EIF2B3: variants seen among roughly 807,000 people sequenced by gnomAD.
EIF2B3 encodes the protein eukaryotic translation initiation factor 2B subunit gamma.
A neutral mutation model predicts 54.1 loss-of-function variants in EIF2B3; 20 were observed. That is an observed-to-expected ratio of 0.37 (90% CI 0.26 to 0.54). The LOEUF (loss-of-function observed/expected upper bound fraction) is 0.54. Among genes scored for constraint, EIF2B3 ranks in the 20% least tolerant of loss-of-function variants. The pLI, the probability that EIF2B3 is intolerant of heterozygous loss-of-function variation, is 0.86. For synonymous variants in EIF2B3, 153 were observed against 188.1 expected (o/e 0.81, Z 1.52); for missense variants, 448 against 547.8 (o/e 0.82, Z 1.82).
intron 5 of EIF2B3, among the ~76,000 whole-genome samples, chr1:44,918,191 C>G (rs1471855743): frequency 6.7e-6 from 1 of 149,354 alleles, no homozygotes; most frequent in Non-Finnish European, 1.5e-5. Context: ...TCAAGCGATT[C>G]TCCTGCCTCA....
intron 6 of EIF2B3, among the ~76,000 whole-genome samples, chr1:44,885,901 A>ATT (rs57544990): frequency 0.18 from 23,900 of 133,026 alleles, 2,418 homozygotes; most frequent in Admixed American, 0.28. Context: ...CGCTTGGCTA[A>ATT]TTTTTTTTTT....
rs80236297 is a variant in EIF2B3, at chr1:44,884,966, G to T, written c.657-3227C>A. The stretch of plus-strand genomic sequence containing the variant: ...CAATCCCCATGATGCAGTTGACTTA[G>T]AAACATAATGAAGGAAACAATTACT... On this transcript the variant is annotated intron_variant, in intron 6 of 11. Coordinates refer to ENST00000360403, the MANE Select transcript of EIF2B3 (RefSeq NM_020365.5). 4.7e-3 allele frequency among the ~76,000 whole-genome samples: 720 copies of T among 152,288 alleles called. 1 individual carries two copies. Among genetic ancestry groups the T allele is most frequent in the East Asian group, 7.3e-3 (38 of 5,186 alleles).
intron 6 of EIF2B3, among the ~76,000 whole-genome samples, chr1:44,886,828 T>C (rs1239100216): frequency 6.6e-6 from 1 of 152,260 alleles, no homozygotes; most frequent in Admixed American, 6.5e-5. Flanking sequence ...TGAGGCATCC[T>C]TGGAGTCTTT....
intron 5 of EIF2B3, among the ~76,000 whole-genome samples, chr1:44,901,111 GA>G (rs943758777): frequency 2.6e-5 from 4 of 150,980 alleles, no homozygotes; most frequent in African/African-American, 4.9e-5. Flanking sequence ...CTGGCTAATT[GA>G]AAAAAAAATT....
At chr1:44,941,979 T>C (rs1041583866) in intron 3 of EIF2B3, among the ~76,000 whole-genome samples, 3 of 152,172 alleles carry the variant, frequency 2.0e-5, no homozygotes, top group Admixed American at 1.3e-4. Context: ...ATGGAATATA[T>C]GATCTTATAT....
At chr1:44,854,863 C>T (rs1225057746) in intron 11 of EIF2B3, among the ~76,000 whole-genome samples, 6 of 152,082 alleles carry the variant, frequency 3.9e-5, no homozygotes, top group African/African-American at 1.4e-4. Flanking sequence ...GCTGGGATTA[C>T]AGGCATGAGC....
intron 3 of EIF2B3, among the ~76,000 whole-genome samples, chr1:44,953,130 C>A (rs1308257535): frequency 2.0e-5 from 3 of 147,482 alleles, no homozygotes; most frequent in Non-Finnish European, 4.5e-5. Flanking sequence ...TTAAAAAAAA[C>A]CCAACTTGCC....
intron 1 of EIF2B3, among the ~76,000 whole-genome samples, chr1:44,983,752 G>C (rs2148967314): frequency 6.6e-6 from 1 of 152,064 alleles, no homozygotes; most frequent in East Asian, 2.0e-4. Flanking sequence ...TTGTTCCCCA[G>C]GTTGAGTGCA....
intron 3 of EIF2B3, among the ~76,000 whole-genome samples, chr1:44,970,696 G>A (rs976657065): frequency 3.3e-5 from 5 of 152,094 alleles, no homozygotes; most frequent in Non-Finnish European, 5.9e-5. Flanking sequence ...CTGTTTATAC[G>A]CACTTCCACT....
At chr1:44,938,510 T>C (rs1431255437) in intron 4 of EIF2B3, among the ~76,000 whole-genome samples, 1 of 151,492 alleles carries the variant, frequency 6.6e-6, no homozygotes, top group Admixed American at 6.6e-5. Context: ...CTGTTTTTTT[T>C]TGGGACAGAG....
chr1:44,869,469 C>T, intron 10 of EIF2B3, among the ~76,000 whole-genome samples: 1 of 145,994 alleles, frequency 6.8e-6, no homozygotes, highest in Non-Finnish European at 1.5e-5. Flanking sequence ...CAGAGTGAGA[C>T]TATCTCGGAA....
intron 11 of EIF2B3, among the ~76,000 whole-genome samples, chr1:44,854,543 T>C (rs1389938819): frequency 6.6e-6 from 1 of 151,380 alleles, no homozygotes. Flanking sequence ...GTGGTGACTC[T>C]GGAGCATGAA....
At chr1:44,852,246 G>C (rs1654295938) in intron 11 of EIF2B3, among the ~76,000 whole-genome samples, 1 of 151,472 alleles carries the variant, frequency 6.6e-6, no homozygotes, top group South Asian at 2.1e-4. Flanking sequence ...TTACAGGCGT[G>C]AGCCACCGCA....
intron 3 of EIF2B3, among the ~76,000 whole-genome samples, chr1:44,942,418 T>TA (rs1553177413): frequency 4.9e-4 from 4 of 8,088 alleles, no homozygotes; most frequent in East Asian, 4.7e-3. Flanking sequence ...TATATATATA[T>TA]TTTTTTTTTT....
At chr1:44,953,699 G>C (rs1644193698) in intron 3 of EIF2B3, among the ~76,000 whole-genome samples, 1 of 152,154 alleles carries the variant, frequency 6.6e-6, no homozygotes, top group Non-Finnish European at 1.5e-5. Context: ...AGGCTGAGGT[G>C]GGAAGACTGC....
At chr1:44,922,321 TCA>T (rs1643764652) in intron 5 of EIF2B3, among the ~76,000 whole-genome samples, 1 of 148,840 alleles carries the variant, frequency 6.7e-6, no homozygotes, top group Non-Finnish European at 1.5e-5. Context: ...GCATGGTGGC[TCA>T]CGCCTGTAAT....
At chr1:44,857,341 C>A (rs1654464800) in intron 11 of EIF2B3, among the ~76,000 whole-genome samples, 1 of 152,120 alleles carries the variant, frequency 6.6e-6, no homozygotes. Flanking sequence ...ACCAGCCTGA[C>A]CAACATGGAG....
intron 10 of EIF2B3, among the ~76,000 whole-genome samples, chr1:44,859,022 C>T (rs144702783): frequency 2.0e-5 from 3 of 152,266 alleles, no homozygotes; most frequent in African/African-American, 4.8e-5. Context: ...TCCTAGGCCA[C>T]GTGTGGTGGC....
At chr1:44,920,602 A>AT (rs201599912) in intron 5 of EIF2B3, among the ~76,000 whole-genome samples, 2,800 of 152,010 alleles carry the variant, frequency 0.018, 33 homozygotes, top group South Asian at 0.028. Context: ...AGTTCCATTG[A>AT]TTTTTAGCTC....
Sources: gnomAD v4.1 joint callset for allele counts (sites outside exome capture counted in the v4.1 genomes callset) on GRCh38, gnomAD v4.1.1 for gene constraint, MANE v1.5 for transcripts, NCBI Gene and HGNC (gene_info 2026-07-23, HGNC 2026-07-21) for gene names.